The following DIXDC1 variants were observed in gnomAD, a reference collection of about 807,000 sequenced individuals.
DIXDC1 encodes DIX domain containing 1.
Under a neutral mutation model 103.1 loss-of-function variants are expected in DIXDC1, and 64 were observed. The observed-to-expected ratio is 0.62, with a 90% CI of 0.51 to 0.76. The LOEUF (loss-of-function observed/expected upper bound fraction) is 0.76, where lower values mean the gene tolerates loss of function less well. Ranked by LOEUF, DIXDC1 falls within the 30% of genes least tolerant of loss-of-function variation. The pLI is 0.00. For missense variants in DIXDC1, 759 were observed against 834.2 expected (o/e 0.91, Z 1.11); for synonymous variants, 266 against 298.5 (o/e 0.89, Z 1.12).
intron 1 of DIXDC1, among the ~76,000 whole-genome samples, chr11:111,961,215 G>A (rs1859566990): frequency 6.6e-6 from 1 of 152,200 alleles, no homozygotes; most frequent in African/African-American, 2.4e-5. Flanking sequence ...TATTACACAA[G>A]AGATTCATGG....
At chr11:111,966,277 C>T (rs1859728425) in intron 2 of DIXDC1, among the ~76,000 whole-genome samples, 1 of 124,888 alleles carries the variant, frequency 8.0e-6, no homozygotes, top group African/African-American at 3.2e-5. Context: ...GGCTGGAGTG[C>T]AATGGCATAA....
intron 1 of DIXDC1, chr11:111,929,780 C>G: frequency 7.5e-7 from 1 of 1,341,798 alleles, no homozygotes; most frequent in Non-Finnish European, 1.0e-6. Flanking sequence ...TTTTTCCTGG[C>G]TTGTTATTTT....
rs139285669 is a variant in DIXDC1, at chr11:111,995,029, A to T, written c.1448A>T (p.Tyr483Phe). 1 of 1,613,656 alleles carries T rather than the reference A, an allele frequency of 6.2e-7. No individual in the cohort carries two copies. Among genetic ancestry groups the T allele is most frequent in the Admixed American group, 1.7e-5 (1 of 60,004 alleles). Residue 483 changes from tyrosine to phenylalanine, a missense_variant, in exon 15 of 20, where the codon TAC (tyrosine) becomes TTC (phenylalanine). Physicochemically the swap from Tyr to Phe is conservative, Grantham distance 22 (BLOSUM62 3). Around this residue, in one of 3 missense-constraint regions of DIXDC1, gnomAD observed 657 missense variants for 727.5 expected, o/e 0.90. Transcript: ENST00000440460. ...MKREADEATN[Y>F]NSHNSQSNGF... The stretch of plus-strand genomic sequence containing the variant: ...TTCATGCTGCTGTAGGCGACCAACT[A>T]CAACAGTCACAACTCTCAAAGCAAT...
intron 1 of DIXDC1, among the ~76,000 whole-genome samples, chr11:111,957,009 A>C (rs189527800): frequency 6.6e-6 from 1 of 151,800 alleles, no homozygotes; most frequent in Non-Finnish European, 1.5e-5. Flanking sequence ...TCTATAAAAA[A>C]AATAATAATA....
At chr11:111,992,302 TC>T in intron 10 of DIXDC1, 112 bp from the exon 11 acceptor site, 1 of 948,982 alleles carries the variant, frequency 1.1e-6, no homozygotes, top group Non-Finnish European at 1.6e-6. Flanking sequence ...CCATTTGTCT[TC>T]CAGTCTGCCA....
chr11:111,992,341 C>G (rs1239186564), intron 10 of DIXDC1, 74 bp from the exon 11 acceptor site: 2 of 1,318,334 alleles, frequency 1.5e-6, no homozygotes, highest in Admixed American at 2.1e-5. Flanking sequence ...ACATTAAAGG[C>G]TTTAGTAATT....
Position 112,013,721 on chromosome 11 carries a change from T to A in DIXDC1, c.1757-2970T>A, listed in dbSNP as rs1861501626. Among the ~76,000 whole-genome samples, 4 of 152,206 alleles carry A rather than the reference T, an allele frequency of 2.6e-5. No individual in the cohort carries two copies. The South Asian group carries it at 8.3e-4, about 31-fold the overall frequency. ...TCCCTTCTCTGGCTCCAGGGCTACA[T>A]CTTTCCTATCATCATGTGTCAGATT... On this transcript the variant is annotated intron_variant, in intron 17 of 19. Coordinates refer to ENST00000440460, the MANE Select transcript of DIXDC1 (RefSeq NM_001037954.4).
rs1381939685 is a variant in DIXDC1, at chr11:111,992,979, G to A, written c.1247G>A (p.Arg416Lys). Reference protein sequence around the residue: ...NVDLQRKLDERNRLLGEYKKE... With the variant: ...NVDLQRKLDEKNRLLGEYKKE... Reference sequence around the variant, plus strand: ...GATCTGCAGAGGAAGCTAGATGAGAGGAACCGGCTCTTGGGAGAATATAAA... The same window carrying A: ...GATCTGCAGAGGAAGCTAGATGAGAAGAACCGGCTCTTGGGAGAATATAAA... Residue 416 changes from arginine to lysine, a missense_variant, in exon 12 of 20, where the codon AGG (arginine) becomes AAG (lysine). Arg to Lys is a conservative substitution (Grantham distance 26). Transcript: ENST00000440460. 1 of 1,608,132 alleles carries A rather than the reference G, an allele frequency of 6.2e-7. No homozygotes were observed. Among genetic ancestry groups the A allele is most frequent in the African/African-American group, 1.3e-5 (1 of 74,866 alleles).
At chr11:111,943,993 A>T (rs1449178886) in intron 1 of DIXDC1, among the ~76,000 whole-genome samples, 3 of 152,258 alleles carry the variant, frequency 2.0e-5, no homozygotes, top group Admixed American at 2.0e-4. Flanking sequence ...CAATGAACAA[A>T]TAGCTTTTGC....
intron 1 of DIXDC1, among the ~76,000 whole-genome samples, chr11:111,940,642 A>G (rs1287845818): frequency 6.6e-6 from 1 of 152,158 alleles, no homozygotes; most frequent in Non-Finnish European, 1.5e-5. Flanking sequence ...TTATTCAGTT[A>G]TTCATTAGTT....
Position 112,013,321 on chromosome 11 carries a change from T to TGGG in DIXDC1, c.1757-3367_1757-3365dup, listed in dbSNP as rs1403269609. Among the ~76,000 whole-genome samples the TGGG allele has an allele frequency of 9.9e-3, 351 of 35,628 alleles. 7 individuals carry two copies. Among genetic ancestry groups the TGGG allele is most frequent in the Middle Eastern group, 0.016 (1 of 64 alleles). 23.4% of individuals were successfully genotyped at this position (35,628 alleles called of 152,430 possible). A position where few individuals can be genotyped will look rare whatever the true frequency, so the allele number is the denominator to read the frequency against. On this transcript the variant is annotated intron_variant, in intron 17 of 19. Coordinates refer to ENST00000440460, the MANE Select transcript of DIXDC1 (RefSeq NM_001037954.4). ...CATATGAAGTTGACGGGTCGGGGGG[T>TGGG]GGGGGTGGGGTGGGGGGGGGGAACA...
At chr11:111,992,902 G>T in intron 11 of DIXDC1, 49 bp from the exon 12 acceptor site, 2 of 1,561,308 alleles carry the variant, frequency 1.3e-6, no homozygotes, top group Non-Finnish European at 1.7e-6. Context: ...TTTCCTTGAG[G>T]GTTAGCAGGC....
At chr11:111,947,544 A>G (rs1386892440) in intron 1 of DIXDC1, among the ~76,000 whole-genome samples, 3 of 152,212 alleles carry the variant, frequency 2.0e-5, no homozygotes, top group Non-Finnish European at 4.4e-5. Context: ...GGCAGTGGGC[A>G]TTTATAGGAA....
At chr11:111,965,766 G>A (rs1168280857) in intron 2 of DIXDC1, among the ~76,000 whole-genome samples, 3 of 152,034 alleles carry the variant, frequency 2.0e-5, no homozygotes, top group Admixed American at 2.0e-4. Context: ...AAATAGCTAA[G>A]CATGCTATTT....
chr11:112,011,772 G>A (rs1340288827), intron 17 of DIXDC1, among the ~76,000 whole-genome samples: 1 of 151,960 alleles, frequency 6.6e-6, no homozygotes, highest in Non-Finnish European at 1.5e-5. Flanking sequence ...ATGGACACAG[G>A]GCGGGGAACA....
chr11:111,936,876 GTGTGTT>G, upstream of DIXDC1, among the ~76,000 whole-genome samples: 1 of 148,758 alleles, frequency 6.7e-6, no homozygotes, highest in African/African-American at 2.6e-5. Context: ...GTGTGTGTGT[GTGTGTT>G]GCGCACCCTC....
chr11:111,975,857 C>T, intron 5 of DIXDC1: 1 of 984,222 alleles, frequency 1.0e-6, no homozygotes, highest in African/African-American at 1.7e-5. Flanking sequence ...TTATTGAGGT[C>T]ATATGGAACT....
rs1859642920 is a variant in DIXDC1, at chr11:111,963,641, T to C, written c.61-908T>C. On this transcript the variant is annotated intron_variant, in intron 1 of 19. Coordinates refer to ENST00000440460, the MANE Select transcript of DIXDC1 (RefSeq NM_001037954.4). ...CAGAGCTGCTACTTGGAGAGTGACA[T>C]TGTTTGTGTGATATTTTGATATTAG... Among the ~76,000 whole-genome samples the C allele has an allele frequency of 2.6e-5, 4 of 152,338 alleles. No homozygotes were observed. In the South Asian group the frequency reaches 8.3e-4, roughly 32 times the overall value.
chr11:111,943,008 G>A (rs1966467975), intron 1 of DIXDC1, among the ~76,000 whole-genome samples: 1 of 152,236 alleles, frequency 6.6e-6, no homozygotes, highest in South Asian at 2.1e-4. Flanking sequence ...ATGACGGGTA[G>A]CACAGACAGC....
Sources: gnomAD v4.1 joint callset for allele counts (sites outside exome capture counted in the v4.1 genomes callset) on GRCh38, gnomAD v4.1.1 for gene constraint, gnomAD v4.1.1 regional missense constraint, MANE v1.5 for transcripts, NCBI Gene and HGNC (gene_info 2026-07-23, HGNC 2026-07-21) for gene names.